The following EIF2S3B variants were observed in gnomAD, a reference collection of about 807,000 sequenced individuals.
The protein encoded by EIF2S3B is eukaryotic translation initiation factor 2 subunit gamma B.
Under a neutral mutation model 26.4 loss-of-function variants are expected in EIF2S3B, and 16 were observed. The observed-to-expected ratio is 0.61, with a 90% CI of 0.41 to 0.92. EIF2S3B has a LOEUF of 0.92. Ranked by LOEUF, EIF2S3B falls within the 40% of genes least tolerant of loss-of-function variation. The pLI, the probability that EIF2S3B is intolerant of heterozygous loss-of-function variation, is 0.00. For missense variants in EIF2S3B, 510 were observed against 575.5 expected (o/e 0.89, Z 1.16); for synonymous variants, 183 against 204.4 (o/e 0.90, Z 0.89).
Position 10,505,988 on chromosome 12 carries a change from C to T in EIF2S3B, c.86C>T (p.Thr29Met), listed in dbSNP as rs764324586. The T allele has an allele frequency of 9.3e-6, 15 of 1,605,806 alleles. No homozygotes were observed. The highest frequency in any genetic ancestry group is 2.2e-5 in the South Asian group (2 of 90,930). ...ACCACCTTGGATGTTACCAAGTTGA[C>T]GCCACTTTCACACGAAGTTATCAGC... ...DLTTLDVTKL[T>M]PLSHEVISRQ... Residue 29 changes from threonine (T) to methionine (M), a missense_variant, in exon 1 of 1, where the codon ACG (threonine) becomes ATG (methionine). Transcript: ENST00000538173.
At chr12:10,509,929 T>C (rs1864688390), downstream of EIF2S3B, among the ~76,000 whole-genome samples, 3 of 152,176 alleles carry the variant, frequency 2.0e-5, no homozygotes, top group South Asian at 6.2e-4. Context: ...GCATTCTTCA[T>C]TGTTTTCATC....
At chr12:10,519,204 G>A (rs376204568) in intron 1 of EIF2S3B, among the ~76,000 whole-genome samples, 38 of 152,114 alleles carry the variant, frequency 2.5e-4, no homozygotes, top group Non-Finnish European at 4.3e-4. Context: ...AAATAACGCC[G>A]CTTATCTACA....
At position 10,508,439 on chromosome 12, in the gene EIF2S3B, T is replaced by G. The variant is rs1352978774; in HGVS notation, c.*1118T>G. Among the ~76,000 whole-genome samples the G allele has an allele frequency of 6.7e-6, 1 of 150,310 alleles. No individual in the cohort carries two copies. Among genetic ancestry groups the G allele is most frequent in the Non-Finnish European group, 1.5e-5 (1 of 67,790 alleles). On this transcript the variant is annotated 3_prime_UTR_variant, in exon 1 of 1. Coordinates refer to ENST00000538173, the MANE Select transcript of EIF2S3B (RefSeq NM_001357734.3). ...TAGGCCTTCATTTTATGTTTTTTCT[T>G]AACTGTTATATGATTGTGACACAGA... is the stretch of plus-strand genomic sequence containing the variant.
chr12:10,520,605 T>C (rs1336213886), intron 1 of EIF2S3B, among the ~76,000 whole-genome samples: 1 of 152,158 alleles, frequency 6.6e-6, no homozygotes, highest in African/African-American at 2.4e-5. Flanking sequence ...GACAATATAT[T>C]TTCAGAAAAC....
chr12:10,522,783 G>A (rs150884416), exon 2 of EIF2S3B: 8 of 585,930 alleles, frequency 1.4e-5, no homozygotes, highest in African/African-American at 1.9e-5. Flanking sequence ...TGTGATGCCC[G>A]GAATTGTGAC....
intron 1 of EIF2S3B, among the ~76,000 whole-genome samples, chr12:10,519,499 A>G (rs1383963228): frequency 6.6e-6 from 1 of 152,096 alleles, no homozygotes; most frequent in East Asian, 1.9e-4. Flanking sequence ...AAAAGCCAAA[A>G]TTGACAAATG....
chr12:10,505,952 G>T lies in EIF2S3B; in HGVS notation c.50G>T (p.Arg17Leu). 6.2e-7 allele frequency: 1 copy of T among 1,603,790 alleles called. No homozygotes were observed. The highest frequency in any genetic ancestry group is 8.5e-7 in the Non-Finnish European group (1 of 1,170,602). Residue 17 changes from arginine to leucine, a missense_variant, in exon 1 of 1, where the codon CGT becomes CTT. Transcript: ENST00000538173. ...GVTLGQPHLS[R>L]QDLTTLDVTK... ...ACTCTGGGGCAGCCGCACCTTTCGCGTCAGGATCTCACCACCTTGGATGTT... is the reference window on the plus strand; with the variant it reads ...ACTCTGGGGCAGCCGCACCTTTCGCTTCAGGATCTCACCACCTTGGATGTT...
chr12:10,511,178 TTAACTC>T (rs1230482080), downstream of EIF2S3B, among the ~76,000 whole-genome samples: 6 of 152,106 alleles, frequency 3.9e-5, no homozygotes, highest in South Asian at 2.1e-4. Context: ...GGAGTGATCT[TTAACTC>T]TAGAAAGAAG....
rs1864666842 is a variant in EIF2S3B at position 10,508,268 on chromosome 12, G to T, written c.*947G>T. ...TTGCTCTTCCTGGCCTGAAATACGG[G>T]AAACTAGAGTCAGAAGTTATCTCCC... On this transcript the variant is annotated 3_prime_UTR_variant, in exon 1 of 1. Transcript: ENST00000538173. Among the ~76,000 whole-genome samples the T allele has an allele frequency of 6.6e-6, 1 of 152,076 alleles. No homozygotes were observed. Among genetic ancestry groups the T allele is most frequent in the African/African-American group, 2.4e-5 (1 of 41,422 alleles).
chr12:10,513,883 C>T (rs1011033869), intron 1 of EIF2S3B, among the ~76,000 whole-genome samples: 29 of 151,242 alleles, frequency 1.9e-4, no homozygotes, highest in African/African-American at 6.8e-4. Context: ...GGCATGGTGG[C>T]GTATGCCTGT....
Position 10,507,291 on chromosome 12 carries a change from G to A in EIF2S3B, c.1389G>A (p.Val463=), listed in dbSNP as rs753167123. 7.4e-5 allele frequency: 120 copies of A among 1,613,248 alleles called. No homozygotes were observed. The highest frequency in any genetic ancestry group is 9.8e-5 in the Non-Finnish European group (115 of 1,179,360). ...LIGWGQIRRG[V]TIKPTVDDD is the part of the protein sequence containing the mutation. ...GTTGGGGTCAGATAAGAAGAGGAGT[G>A]ACAATCAAGCCAACAGTAGATGATG... The change falls in exon 1 of 1, where the codon GTG becomes GTA. Residue 463 remains valine (V), a synonymous_variant. Coordinates refer to ENST00000538173, the MANE Select transcript of EIF2S3B (RefSeq NM_001357734.3).
chr12:10,506,080 G>A lies in EIF2S3B; in HGVS notation c.178G>A (p.Ala60Thr), dbSNP rs780967370. Reference protein sequence around the residue: ...VAHGKSTVVKAISGVHTVRFK... With the variant: ...VAHGKSTVVKTISGVHTVRFK... The stretch of plus-strand genomic sequence containing the variant: ...TCATGGGAAATCCACAGTCGTCAAA[G>A]CTATTTCTGGAGTTCACACCGTCAG... Residue 60 changes from alanine to threonine, a missense_variant, in exon 1 of 1, where the codon GCT becomes ACT. By Grantham distance (58) the Ala-to-Thr change is moderately conservative. Transcript: ENST00000538173. 1.3e-5 allele frequency: 21 copies of A among 1,600,222 alleles called. No homozygotes were observed. In the African/African-American group the frequency reaches 2.5e-4, roughly 19 times the overall value.
intron 1 of EIF2S3B, among the ~76,000 whole-genome samples, chr12:10,518,581 G>C (rs1415125155): frequency 6.6e-6 from 1 of 151,930 alleles, no homozygotes; most frequent in Admixed American, 6.6e-5. Context: ...CTTTTAATTG[G>C]AGCATTTAGC....
rs1205312242 is a variant in EIF2S3B at position 10,507,262 on chromosome 12, ATTGG to A, written c.1365_1368del (p.Trp456ValfsTer3). 1.9e-6 allele frequency: 3 copies of A among 1,613,788 alleles called. No individual in the cohort carries two copies. Among genetic ancestry groups the A allele is most frequent in the Non-Finnish European group, 2.5e-6 (3 of 1,179,664 alleles). ...AAGAGTTGAAAAACACTGGCGTTTA[ATTGG>A]TTGGGGTCAGATAAGAAGAGGAGTG... is the stretch of plus-strand genomic sequence containing the variant. On this transcript the variant is annotated frameshift_variant, in exon 1 of 1. Coordinates refer to ENST00000538173, the MANE Select transcript of EIF2S3B (RefSeq NM_001357734.3). LOFTEE classifies it high-confidence loss of function.
chr12:10,511,026 A>G (rs900875978), downstream of EIF2S3B, among the ~76,000 whole-genome samples: 2 of 152,134 alleles, frequency 1.3e-5, no homozygotes, highest in African/African-American at 4.8e-5. Context: ...AGATTTGATG[A>G]GAAAAAGCAA....
chr12:10,510,589 T>G (rs1864694892), downstream of EIF2S3B, among the ~76,000 whole-genome samples: 1 of 152,142 alleles, frequency 6.6e-6, no homozygotes, highest in Admixed American at 6.5e-5. Context: ...CAAGACCATT[T>G]AGAGACATGT....
chr12:10,506,584 C>A lies in EIF2S3B; in HGVS notation c.682C>A (p.Leu228Met), dbSNP rs1471860486. The A allele has an allele frequency of 1.2e-6, 2 of 1,603,014 alleles. No homozygotes were observed. Among genetic ancestry groups the A allele is most frequent in the Non-Finnish European group, 8.5e-7 (1 of 1,169,964 alleles). ...TCCCATTATTCCAATTTCGGCTCAG[C>A]TGAAATACAATATTGAAGTTGTTTG... ...GAPIIPISAQ[L>M]KYNIEVVCEY... Residue 228 changes from leucine (L) to methionine (M), a missense_variant, in exon 1 of 1, where the codon CTG (leucine) becomes ATG (methionine). Leu to Met is a conservative substitution (Grantham distance 15). Transcript: ENST00000538173.
chr12:10,507,641 A>C lies in EIF2S3B; in HGVS notation c.*320A>C. 1 of 437,446 alleles carries C rather than the reference A, an allele frequency of 2.3e-6. No individual in the cohort carries two copies. Among genetic ancestry groups the C allele is most frequent in the East Asian group, 4.5e-5 (1 of 22,244 alleles). The allele number at this position is 437,446 out of a possible 1,614,324, so 27.1% of individuals were successfully genotyped here. On this transcript the variant is annotated 3_prime_UTR_variant, in exon 1 of 1. Coordinates refer to ENST00000538173, the MANE Select transcript of EIF2S3B (RefSeq NM_001357734.3). ...TTTTGTTTTTGAGTCTGGCTTTGTC[A>C]CCTAGGCTGGCATGTAGTGGCATGA...
intron 1 of EIF2S3B, among the ~76,000 whole-genome samples, chr12:10,520,553 A>AATATATAT (rs1387812019): frequency 6.6e-6 from 1 of 152,166 alleles, no homozygotes; most frequent in Non-Finnish European, 1.5e-5. Flanking sequence ...TGCAATATCA[A>AATATATAT]ATATATATGA....
Sources: allele counts gnomAD v4.1 joint callset (sites outside exome capture counted in the v4.1 genomes callset), GRCh38; gene constraint gnomAD v4.1.1; transcripts MANE v1.5; gene names NCBI Gene and HGNC (gene_info 2026-07-23, HGNC 2026-07-21).